Variants in ABR observed in about 807,000 individuals in gnomAD.
The protein encoded by ABR is ABR activator of RhoGEF and GTPase.
In ABR, 35 loss-of-function variants were observed where a neutral mutation model predicts 107.2. The ratio of observed to expected loss-of-function variants is 0.33; its 90% CI spans 0.25 to 0.43. The LOEUF is 0.43. Ranked by LOEUF, ABR falls within the 20% of genes least tolerant of loss-of-function variation. The probability of loss-of-function intolerance (pLI) is 1.00; values close to 1 mark genes in which losing one functional copy is unlikely to be tolerated. For synonymous variants in ABR, 498 were observed against 462.0 expected (o/e 1.08, Z -1.00); for missense variants, 815 against 1,115.2 (o/e 0.73, Z 3.83).
chr17:1,077,117 G>A (rs558667302), intron 6 of ABR, among the ~76,000 whole-genome samples: 1 of 152,330 alleles, frequency 6.6e-6, no homozygotes, highest in South Asian at 2.1e-4. Flanking sequence ...GTGGCTACAA[G>A]TGGTGGGAGC....
At position 1,027,085 on chromosome 17, in the gene ABR, G is replaced by A. The variant is rs1005646991; in HGVS notation, c.1792-13921C>T. 6.6e-6 allele frequency among the ~76,000 whole-genome samples: 1 copy of A among 152,064 alleles called. No homozygotes were observed. The highest frequency in any genetic ancestry group is 6.5e-5 in the Admixed American group (1 of 15,276). The stretch of plus-strand genomic sequence containing the variant: ...TCCCCCAGCCACACCTGCAGGCTTG[G>A]GGGCTCCTTCCAAAATGTCTGGGGC... On this transcript the variant is annotated intron_variant, in intron 16 of 22. Transcript: ENST00000302538. This position sits in a 1 kb window ranked among gnomAD's most constrained non-coding sequence, Gnocchi z 4.7.
intron 16 of ABR, among the ~76,000 whole-genome samples, chr17:1,015,443 G>A (rs911383785): frequency 4.0e-5 from 6 of 148,286 alleles, no homozygotes; most frequent in Admixed American, 6.7e-5. Context: ...AAAGTAAGCC[G>A]ACACATTATA....
intron 22 of ABR, among the ~76,000 whole-genome samples, chr17:1,006,486 C>A (rs1169473074): frequency 3.9e-5 from 6 of 152,208 alleles, no homozygotes; most frequent in Admixed American, 2.0e-4. Context: ...GAGCTTCCAC[C>A]CATGAGGACA....
At chr17:1,018,945 A>T (rs1212154663) in intron 16 of ABR, among the ~76,000 whole-genome samples, 1 of 152,218 alleles carries the variant, frequency 6.6e-6, no homozygotes, top group Non-Finnish European at 1.5e-5. Context: ...CTAGGAAGTC[A>T]GAGCTGGGGT....
At chr17:1,087,453 C>T (rs1015577798) in intron 4 of ABR, among the ~76,000 whole-genome samples, 5 of 152,144 alleles carry the variant, frequency 3.3e-5, no homozygotes, top group South Asian at 4.1e-4. Flanking sequence ...CGAGTGGGGA[C>T]GCCCGGCGTG....
intron 14 of ABR, among the ~76,000 whole-genome samples, chr17:1,054,473 G>A (rs2032983773): frequency 1.3e-5 from 2 of 148,718 alleles, no homozygotes; most frequent in Non-Finnish European, 2.9e-5. Context: ...GAACCTCAGG[G>A]GATGGGGGCA....
intron 1 of ABR, among the ~76,000 whole-genome samples, chr17:1,177,398 G>A (rs1370584641): frequency 1.3e-5 from 2 of 152,156 alleles, no homozygotes; most frequent in South Asian, 2.1e-4. Context: ...CACCCCAGGA[G>A]CCGCCCAGAG....
chr17:1,160,715 G>T (rs1319850914), intron 1 of ABR, among the ~76,000 whole-genome samples: 1 of 152,192 alleles, frequency 6.6e-6, no homozygotes, highest in East Asian at 1.9e-4. Context: ...CTCAGCCAGG[G>T]CCACCCCCGA....
intron 2 of ABR, chr17:1,101,267 G>A (rs55966237): frequency 0.12 from 17,944 of 153,144 alleles, 1,165 homozygotes; most frequent in East Asian, 0.18. Flanking sequence ...GAGCCACCGC[G>A]CCCGGCCCCC....
chr17:1,166,096 G>A (rs1479931565), intron 1 of ABR, among the ~76,000 whole-genome samples: 8 of 146,308 alleles, frequency 5.5e-5, no homozygotes, highest in East Asian at 2.2e-4. Flanking sequence ...TCCCCAGCGT[G>A]GTCCCACCTC....
chr17:1,093,649 T>C (rs1254955018), intron 3 of ABR, among the ~76,000 whole-genome samples: 3 of 152,156 alleles, frequency 2.0e-5, no homozygotes, highest in Admixed American at 6.5e-5. Flanking sequence ...CTGAAAATGC[T>C]GCACTGAAGG....
intron 10 of ABR, among the ~76,000 whole-genome samples, chr17:1,059,705 C>G (rs2033715084): frequency 6.6e-6 from 1 of 152,198 alleles, no homozygotes; most frequent in Non-Finnish European, 1.5e-5. Flanking sequence ...GTAAAGGACC[C>G]CCTCCCTTTT....
intron 16 of ABR, among the ~76,000 whole-genome samples, chr17:1,032,304 C>T (rs1190401113): frequency 1.3e-5 from 2 of 152,170 alleles, no homozygotes; most frequent in African/African-American, 2.4e-5. Context: ...CTTGGTGACC[C>T]GGCCAGACCC....
intron 1 of ABR, among the ~76,000 whole-genome samples, chr17:1,211,975 G>A (rs534969115): frequency 3.9e-5 from 6 of 152,002 alleles, no homozygotes; most frequent in East Asian, 1.9e-4. Context: ...CCAGCTACTC[G>A]GGAGGCTGAG....
At chr17:1,205,538 C>T (rs2150729614) in intron 1 of ABR, among the ~76,000 whole-genome samples, 1 of 152,290 alleles carries the variant, frequency 6.6e-6, no homozygotes, top group Non-Finnish European at 1.5e-5. Context: ...TGGCTGGGTG[C>T]AGTGGCTCAC....
rs1315676237 is a variant in ABR, at chr17:1,194,731, G to C, written c.838+34062C>G. The stretch of plus-strand genomic sequence containing the variant: ...TGCAGTGGTGCGGTCTCAGCTCACT[G>C]CAACCTCCACCTCCCGGGTTCAAGC... On this transcript the variant is annotated intron_variant, in intron 1 of 22. Transcript: ENST00000574139. Among the ~76,000 whole-genome samples the C allele has an allele frequency of 1.7e-4, 21 of 123,926 alleles. 4 individuals carry two copies. Among genetic ancestry groups the C allele is most frequent in the Admixed American group, 1.2e-3 (12 of 9,980 alleles). 81.3% of individuals were successfully genotyped at this position (123,926 alleles called of 152,430 possible).
At chr17:1,199,234 G>A (rs1029308316) in intron 1 of ABR, among the ~76,000 whole-genome samples, 1 of 150,696 alleles carries the variant, frequency 6.6e-6, no homozygotes. Flanking sequence ...GGGAAGACTG[G>A]GGGAAACAGA....
At chr17:1,109,064 T>G (rs2038471193) in intron 2 of ABR, 1 of 1,567,448 alleles carries the variant, frequency 6.4e-7, no homozygotes, top group Non-Finnish European at 8.7e-7. Context: ...CTCTTCCTCC[T>G]CCATGGCAGC....
intron 2 of ABR, among the ~76,000 whole-genome samples, chr17:1,119,230 T>C (rs200774574): frequency 1.3e-3 from 2 of 1,512 alleles, no homozygotes; most frequent in African/African-American, 2.5e-3. Context: ...CCTGAGTTCC[T>C]CCCAGCGTTA....
Sources: gnomAD v4.1 joint callset for allele counts (sites outside exome capture counted in the v4.1 genomes callset) on GRCh38, gnomAD v4.1.1 for gene constraint, Gnocchi (gnomAD v3.1) non-coding constraint, MANE v1.5 for transcripts, NCBI Gene and HGNC (gene_info 2026-07-23, HGNC 2026-07-21) for gene names.